The following DPY19L2 variants were observed in gnomAD, a reference collection of about 807,000 sequenced individuals.
DPY19L2 encodes probable C-mannosyltransferase DPY19L2.
In DPY19L2, 34 loss-of-function variants were observed where a neutral mutation model predicts 97.9. The observed-to-expected ratio is 0.35, with a 90% confidence interval of 0.26 to 0.46. DPY19L2 has a LOEUF of 0.46. DPY19L2 is among the 20% of genes least tolerant of loss of function. DPY19L2 has a pLI of 1.00. For synonymous variants in DPY19L2, 230 were observed against 307.9 expected, an observed-to-expected ratio of 0.75 and a Z score of 2.65; for missense variants, 623 against 911.4, an observed-to-expected ratio of 0.68 and a Z score of 4.07.
intron 12 of DPY19L2, among the ~76,000 whole-genome samples, chr12:63,605,846 C>T (rs1336206569): frequency 6.6e-6 from 1 of 152,200 alleles, no homozygotes; most frequent in East Asian, 1.9e-4. Flanking sequence ...CATTTAGTGA[C>T]ATGTGACCTT....
intron 18 of DPY19L2, among the ~76,000 whole-genome samples, chr12:63,581,707 T>C: frequency 6.6e-6 from 1 of 151,018 alleles, no homozygotes; most frequent in Non-Finnish European, 1.5e-5. Context: ...GGTCTTGAAC[T>C]CCTGACCTCA....
chr12:63,614,284 G>A (rs1887505462), intron 11 of DPY19L2, among the ~76,000 whole-genome samples: 1 of 151,780 alleles, frequency 6.6e-6, no homozygotes, highest in Non-Finnish European at 1.5e-5. Flanking sequence ...AGTAAAAGGT[G>A]ACAAAACAAA....
rs7300764 is a variant in DPY19L2, at chr12:63,624,176, A to T, written c.862-45T>A. 0.16 allele frequency: 228,525 copies of T among 1,408,636 alleles called. 20,472 individuals are homozygous for T. Among genetic ancestry groups the T allele is most frequent in the Middle Eastern group, 0.22 (885 of 4,038 alleles). The allele number at this position is 1,408,636 out of a possible 1,614,324, so 87.3% of individuals were successfully genotyped here. ...CACTTTACATCCTATTTACTACAAC[A>T]AACATATTAAAAAACCAGGGGTGAG... On this transcript the variant is annotated intron_variant, in intron 7 of 21. Transcript: ENST00000324472.
intron 16 of DPY19L2, among the ~76,000 whole-genome samples, chr12:63,584,666 T>G (rs1359724543): frequency 2.6e-5 from 4 of 152,146 alleles, no homozygotes; most frequent in Non-Finnish European, 5.9e-5. Context: ...AGTTATCAGA[T>G]GGACTCTGGT....
chr12:63,570,671 G>T (rs564390464), intron 20 of DPY19L2, 87 bp downstream of exon 20: 1 of 1,087,810 alleles, frequency 9.2e-7, no homozygotes, highest in Non-Finnish European at 1.4e-6. Flanking sequence ...GTGTGTGTGT[G>T]TGTGTGTGTG....
chr12:63,632,719 A>C (rs993716816), intron 6 of DPY19L2, among the ~76,000 whole-genome samples: 3 of 152,158 alleles, frequency 2.0e-5, no homozygotes, highest in Non-Finnish European at 2.9e-5. Flanking sequence ...AACTACTTAA[A>C]AGTTCATATG....
At chr12:63,592,222 T>C (rs1328241919) in intron 16 of DPY19L2, among the ~76,000 whole-genome samples, 1 of 151,516 alleles carries the variant, frequency 6.6e-6, no homozygotes, top group East Asian at 1.9e-4. Context: ...GCCAGGGTAA[T>C]TTATAGATTC....
At chr12:63,640,303 A>T (rs1892491886) in intron 6 of DPY19L2, among the ~76,000 whole-genome samples, 1 of 152,196 alleles carries the variant, frequency 6.6e-6, no homozygotes, top group Non-Finnish European at 1.5e-5. Context: ...ATACATATGT[A>T]ACAAACCTGC....
chr12:63,630,189 A>G lies in DPY19L2; in HGVS notation c.804-3663T>C, dbSNP rs909642968. Among the ~76,000 whole-genome samples, 16 of 152,298 alleles carry G rather than the reference A, an allele frequency of 1.1e-4. 1 individual carries two copies. Among genetic ancestry groups the G allele is most frequent in the African/African-American group, 3.6e-4 (15 of 41,558 alleles). On this transcript the variant is annotated intron_variant, in intron 6 of 21. Transcript: ENST00000324472. ...AGCAAAATAACCAGCTAACATCATAATGACAGGATCAAATTTACACATAAC... is the reference window on the plus strand; with the variant it reads ...AGCAAAATAACCAGCTAACATCATAGTGACAGGATCAAATTTACACATAAC...
intron 6 of DPY19L2, among the ~76,000 whole-genome samples, chr12:63,627,760 T>C (rs1351620953): frequency 6.6e-5 from 10 of 152,200 alleles, no homozygotes; most frequent in Admixed American, 2.0e-4. Context: ...CTTCCCTCCA[T>C]ACACCACTTC....
chr12:63,595,132 G>A lies in DPY19L2; in HGVS notation c.1533+834C>T, dbSNP rs538826906. Among the ~76,000 whole-genome samples the A allele has an allele frequency of 6.5e-3, 988 of 152,250 alleles. 10 individuals carry two copies. The highest frequency in any genetic ancestry group is 0.022 in the African/African-American group (934 of 41,546). On this transcript the variant is annotated intron_variant, in intron 15 of 21. Transcript: ENST00000324472. Reference sequence around the variant, plus strand: ...GTGTAAACAAAGGAGTGAGAAGTGTGGCAACTAAAACTACATAGAGAAGAT... The same window carrying A: ...GTGTAAACAAAGGAGTGAGAAGTGTAGCAACTAAAACTACATAGAGAAGAT...
intron 12 of DPY19L2, among the ~76,000 whole-genome samples, chr12:63,605,008 C>T (rs969216115): frequency 4.6e-5 from 7 of 152,208 alleles, no homozygotes; most frequent in South Asian, 2.1e-4. Context: ...AGGTTTATCA[C>T]GCAAGTCCTG....
intron 11 of DPY19L2, among the ~76,000 whole-genome samples, chr12:63,614,618 T>C (rs1279827697): frequency 6.6e-6 from 1 of 152,152 alleles, no homozygotes; most frequent in African/African-American, 2.4e-5. Context: ...CAAATGGATA[T>C]ATGATATTCT....
chr12:63,658,159 A>C (rs1389206986), intron 4 of DPY19L2, among the ~76,000 whole-genome samples: 1 of 152,124 alleles, frequency 6.6e-6, no homozygotes, highest in Non-Finnish European at 1.5e-5. Context: ...AGTTCTTTAT[A>C]TATTAGGTGT....
At chr12:63,571,567 C>CTT (rs1878848204) in intron 19 of DPY19L2, among the ~76,000 whole-genome samples, 1 of 152,170 alleles carries the variant, frequency 6.6e-6, no homozygotes, top group South Asian at 2.1e-4. Flanking sequence ...TTTCCAATGA[C>CTT]TTTTGTGGCT....
intron 6 of DPY19L2, among the ~76,000 whole-genome samples, chr12:63,635,658 G>A (rs912740959): frequency 6.6e-5 from 10 of 152,166 alleles, no homozygotes; most frequent in African/African-American, 1.9e-4. Context: ...TTCAGTAGCC[G>A]ATTTGATCAA....
chr12:63,580,733 C>T lies in DPY19L2; in HGVS notation c.1829G>A (p.Ser610Asn), dbSNP rs1880721292. The change falls in exon 19 of 22, where the codon AGC becomes AAC. Residue 610 changes from serine to asparagine, a missense_variant. Ser to Asn is a conservative substitution (Grantham distance 46, BLOSUM62 1). Transcript: ENST00000324472. ...CAAATTATTAAATTCTCCTATTATG[C>T]TCCATTGATTACGGAGGTTTGCATA... ...QGYANLRNQW[S>N]IIGEFNNLPQ... The T allele has an allele frequency of 6.2e-7, 1 of 1,613,522 alleles. No individual in the cohort carries two copies. The highest frequency in any genetic ancestry group is 1.7e-5 in the Admixed American group (1 of 59,970).
chr12:63,591,652 A>G (rs1882940093), intron 16 of DPY19L2, among the ~76,000 whole-genome samples: 1 of 152,114 alleles, frequency 6.6e-6, no homozygotes, highest in South Asian at 2.1e-4. Flanking sequence ...TACAATAAAT[A>G]GTTTTAACAA....
At chr12:63,629,433 A>G (rs895284029) in intron 6 of DPY19L2, among the ~76,000 whole-genome samples, 9 of 152,198 alleles carry the variant, frequency 5.9e-5, no homozygotes, top group Non-Finnish European at 2.9e-5. Flanking sequence ...AAGCCTCAGT[A>G]GCCAATTCGA....
Sources: gnomAD v4.1 joint callset for allele counts (sites outside exome capture counted in the v4.1 genomes callset) on GRCh38, gnomAD v4.1.1 for gene constraint, MANE v1.5 for transcripts, NCBI Gene and HGNC (gene_info 2026-07-23, HGNC 2026-07-21) for gene names.